The following LUZP2 variants were observed in gnomAD, a reference collection of about 807,000 sequenced individuals.
LUZP2 encodes the protein leucine zipper protein 2.
A neutral mutation model predicts 51.6 loss-of-function variants in LUZP2; 52 were observed. The observed-to-expected ratio is 1.01, with a 90% CI of 0.81 to 1.27. The LOEUF is 1.27. Ranked by LOEUF, LUZP2 falls within the 50% of genes most tolerant of loss-of-function variation. LUZP2 has a pLI of 0.00. For missense variants in LUZP2, 436 were observed against 395.4 expected, an observed-to-expected ratio of 1.10 and a Z score of -0.87; for synonymous variants, 154 against 137.3, an observed-to-expected ratio of 1.12 and a Z score of -0.85.
intron 5 of LUZP2, among the ~76,000 whole-genome samples, chr11:24,844,157 T>C (rs1339382536): frequency 1.3e-5 from 2 of 152,140 alleles, no homozygotes; most frequent in Non-Finnish European, 2.9e-5. Context: ...AAACTCCATA[T>C]AGACTTGTTG....
intron 1 of LUZP2, among the ~76,000 whole-genome samples, chr11:24,653,100 G>A (rs775063448): frequency 6.6e-6 from 1 of 152,064 alleles, no homozygotes; most frequent in South Asian, 2.1e-4. Context: ...TTCTAAGATG[G>A]TAAGCACTTA....
At chr11:24,810,529 C>T (rs896968421) in intron 5 of LUZP2, among the ~76,000 whole-genome samples, 7 of 151,938 alleles carry the variant, frequency 4.6e-5, no homozygotes, top group African/African-American at 7.3e-5. Context: ...CCATTCCGTC[C>T]GACAAATGTT....
intron 5 of LUZP2, among the ~76,000 whole-genome samples, chr11:24,895,651 T>C (rs185479187): frequency 6.7e-4 from 102 of 152,322 alleles, no homozygotes; most frequent in Non-Finnish European, 1.3e-3. Context: ...AGGATAACAA[T>C]ATCCAGTTGC....
At chr11:24,631,531 C>T (rs1290385057) in intron 1 of LUZP2, among the ~76,000 whole-genome samples, 2 of 151,540 alleles carry the variant, frequency 1.3e-5, no homozygotes, top group East Asian at 1.9e-4. Flanking sequence ...TATTGATTTA[C>T]GTATGTTGAA....
chr11:24,845,476 G>A (rs1262833934), intron 5 of LUZP2, among the ~76,000 whole-genome samples: 2 of 152,254 alleles, frequency 1.3e-5, no homozygotes, highest in Middle Eastern at 3.4e-3. Flanking sequence ...CTAAGACTTT[G>A]GGGGACTGTT....
chr11:24,890,369 C>A (rs1852807442), intron 5 of LUZP2, among the ~76,000 whole-genome samples: 1 of 152,242 alleles, frequency 6.6e-6, no homozygotes, highest in Non-Finnish European at 1.5e-5. Flanking sequence ...CAAATTCTAG[C>A]AGATCCTTTA....
intron 9 of LUZP2, among the ~76,000 whole-genome samples, chr11:24,989,067 T>A (rs1590807495): frequency 6.9e-6 from 1 of 145,826 alleles, no homozygotes; most frequent in East Asian, 2.0e-4. Flanking sequence ...AGAAAGAGGA[T>A]CTAGATATAA....
chr11:24,592,018 G>C (rs989331828), intron 1 of LUZP2, among the ~76,000 whole-genome samples: 5 of 152,140 alleles, frequency 3.3e-5, no homozygotes, highest in African/African-American at 1.2e-4. Flanking sequence ...GATTAACAAA[G>C]AGCCATTGGG....
intron 10 of LUZP2, among the ~76,000 whole-genome samples, chr11:25,065,310 G>A (rs1858967317): frequency 6.6e-6 from 1 of 151,942 alleles, no homozygotes; most frequent in South Asian, 2.1e-4. Flanking sequence ...ATTGCCTGCT[G>A]CTGTCATAAT....
At chr11:24,870,007 A>C (rs1421367317) in intron 5 of LUZP2, among the ~76,000 whole-genome samples, 1 of 152,158 alleles carries the variant, frequency 6.6e-6, no homozygotes, top group Non-Finnish European at 1.5e-5. Flanking sequence ...CATGAATGAT[A>C]AGAAAGTGAA....
At chr11:24,772,936 C>A (rs1490938774) in intron 5 of LUZP2, among the ~76,000 whole-genome samples, 7 of 152,104 alleles carry the variant, frequency 4.6e-5, no homozygotes, top group African/African-American at 1.4e-4. Flanking sequence ...TCCAGTATGA[C>A]CTTGTTTTAA....
At chr11:24,726,862 G>T (rs1228081650) in intron 1 of LUZP2, among the ~76,000 whole-genome samples, 2 of 152,052 alleles carry the variant, frequency 1.3e-5, no homozygotes, top group Non-Finnish European at 2.9e-5. Context: ...GTAAATGGAA[G>T]AAAATCCAAT....
intron 9 of LUZP2, among the ~76,000 whole-genome samples, chr11:24,985,638 T>G (rs1856167842): frequency 6.6e-6 from 1 of 151,650 alleles, no homozygotes; most frequent in Non-Finnish European, 1.5e-5. Context: ...ATGGGAAGCA[T>G]GAAGGCAGGA....
intron 1 of LUZP2, among the ~76,000 whole-genome samples, chr11:24,673,638 G>C (rs1856464103): frequency 6.6e-6 from 1 of 152,050 alleles, no homozygotes; most frequent in African/African-American, 2.4e-5. Context: ...TATTGACATT[G>C]GGCCAGATAA....
intron 1 of LUZP2, among the ~76,000 whole-genome samples, chr11:24,659,620 A>T (rs539141044): frequency 6.6e-6 from 1 of 152,058 alleles, no homozygotes; most frequent in East Asian, 1.9e-4. Flanking sequence ...TCTAAACATA[A>T]TTTTGGCAGC....
intron 4 of LUZP2, among the ~76,000 whole-genome samples, chr11:24,746,126 A>C (rs1373840201): frequency 6.6e-6 from 1 of 152,068 alleles, no homozygotes; most frequent in Non-Finnish European, 1.5e-5. Context: ...TGCTTTTTAA[A>C]TTGTATTTTT....
chr11:24,978,776 A>G (rs1227157524), intron 8 of LUZP2, among the ~76,000 whole-genome samples: 3 of 151,778 alleles, frequency 2.0e-5, no homozygotes, highest in Non-Finnish European at 4.4e-5. Context: ...GTCATAGGGC[A>G]CGGTATAGTC....
At chr11:24,603,052 A>C (rs79044377) in intron 1 of LUZP2, among the ~76,000 whole-genome samples, 4,195 of 151,984 alleles carry the variant, frequency 0.028, 160 homozygotes, top group East Asian at 0.12. Flanking sequence ...TGTAGTTATT[A>C]TCTATTTTTG....
intron 1 of LUZP2, among the ~76,000 whole-genome samples, chr11:24,702,345 A>G (rs972628324): frequency 6.6e-6 from 1 of 152,222 alleles, no homozygotes; most frequent in Non-Finnish European, 1.5e-5. Flanking sequence ...CCTCGACATA[A>G]CCAATAAAAT....
Sources: allele counts gnomAD v4.1 joint callset (sites outside exome capture counted in the v4.1 genomes callset), GRCh38; gene constraint gnomAD v4.1.1; transcripts MANE v1.5; gene names NCBI Gene and HGNC (gene_info 2026-07-23, HGNC 2026-07-21).